The following DMRTC2 variants were observed in gnomAD, a reference collection of about 807,000 sequenced individuals.
DMRTC2 encodes doublesex- and mab-3-related transcription factor C2.
In DMRTC2, 13 loss-of-function variants were observed where a neutral mutation model predicts 39.9. That is an observed-to-expected ratio of 0.33 (90% CI 0.21 to 0.52). The LOEUF is 0.52. Among genes scored for constraint, DMRTC2 ranks in the 20% least tolerant of loss-of-function variants. The pLI, the probability that DMRTC2 is intolerant of heterozygous loss-of-function variation, is 0.96. For missense variants in DMRTC2, 431 were observed against 472.8 expected, an observed-to-expected ratio of 0.91 and a Z score of 0.82; for synonymous variants, 189 against 185.2, an observed-to-expected ratio of 1.02 and a Z score of -0.17.
At chr19:41,847,290 G>T in intron 1 of DMRTC2, 135 bp from the exon 2 acceptor site, 1 of 1,359,704 alleles carries the variant, frequency 7.4e-7, no homozygotes, top group African/African-American at 1.5e-5. Context: ...AGGGGAGAAA[G>T]CTGGGAAAGA....
chr19:41,848,643 C>T (rs1350227998), intron 4 of DMRTC2, 115 bp downstream of exon 4: 2 of 1,427,240 alleles, frequency 1.4e-6, no homozygotes, highest in African/African-American at 2.8e-5. Context: ...GCTATGTAAT[C>T]TAGTCAAATC....
Position 41,847,629 on chromosome 19 carries a change from G to T in DMRTC2, c.201G>T (p.Glu67Asp). The change falls in exon 2 of 9, where the codon GAG becomes GAT. Residue 67 changes from glutamate (E) to aspartate (D), a missense_variant. Coordinates refer to ENST00000269945, the MANE Select transcript of DMRTC2 (RefSeq NM_001040283.3). ...GCCTCTGCCTCTTCCAGGCTTGCGA[G>T]TGTCACAAATGTGTCCTCATCCTGT... ...HKRLCLFQAC[E>D]CHKCVLILER... 6.2e-7 allele frequency: 1 copy of T among 1,614,214 alleles called. No homozygotes were observed. The highest frequency in any genetic ancestry group is 8.5e-7 in the Non-Finnish European group (1 of 1,180,036).
chr19:41,850,528 C>T lies in DMRTC2; in HGVS notation c.819C>T (p.Ala273=), dbSNP rs1374657969. The T allele has an allele frequency of 2.5e-6, 4 of 1,610,944 alleles. No individual in the cohort carries two copies. Among genetic ancestry groups the T allele is most frequent in the Non-Finnish European group, 1.7e-6 (2 of 1,178,584 alleles). ...TPDPLQLQPQ[A]SGASCLARTS... is the part of the protein sequence containing the mutation. Reference sequence around the variant, plus strand: ...GCTTGTCTCCCTTTCCCTTGCAGGCCTCTGGAGCCTCGTGCCTGGCCCGGA... The same window carrying T: ...GCTTGTCTCCCTTTCCCTTGCAGGCTTCTGGAGCCTCGTGCCTGGCCCGGA... The change falls in exon 8 of 9, where the codon GCC becomes GCT. Residue 273 remains alanine, a splice_region_variant and synonymous_variant. Coordinates refer to ENST00000269945, the MANE Select transcript of DMRTC2 (RefSeq NM_001040283.3).
chr19:41,846,312 G>A (rs1484918455), intron 1 of DMRTC2, among the ~76,000 whole-genome samples: 3 of 152,302 alleles, frequency 2.0e-5, no homozygotes, highest in Non-Finnish European at 4.4e-5. Flanking sequence ...GGGGATGTAG[G>A]ACTCGCTGAA....
chr19:41,848,682 A>T, intron 4 of DMRTC2, 113 bp from the exon 5 acceptor site: 1 of 1,558,346 alleles, frequency 6.4e-7, no homozygotes, highest in Non-Finnish European at 8.8e-7. Context: ...AAATGAGGGG[A>T]AAACGAGGGC....
In DMRTC2 at chr19:41,850,037, G is replaced by A. The variant is rs924273357; in HGVS notation, c.756-275G>A. ...GCTTATGGTGAGCCATGATCACACC[G>A]CCACTGCACTCCAGCCTAGGTGACA... On this transcript the variant is annotated intron_variant, in intron 6 of 8. Coordinates refer to ENST00000269945, the MANE Select transcript of DMRTC2 (RefSeq NM_001040283.3). Among the ~76,000 whole-genome samples, 5 of 151,628 alleles carry A rather than the reference G, an allele frequency of 3.3e-5. No homozygotes were observed. The East Asian group carries it at 5.8e-4, about 18-fold the overall frequency.
At chr19:41,845,980 C>T (rs1435837115) in intron 1 of DMRTC2, among the ~76,000 whole-genome samples, 1 of 151,360 alleles carries the variant, frequency 6.6e-6, no homozygotes, top group Non-Finnish European at 1.5e-5. Context: ...CCACTGCGCT[C>T]CAGCCTGGGC....
chr19:41,851,766 TCTTA>T lies in DMRTC2; in HGVS notation c.*75_*78del, dbSNP rs1226899596. 8 of 1,346,540 alleles carry T rather than the reference TCTTA, an allele frequency of 5.9e-6. No individual in the cohort carries two copies. The highest frequency in any genetic ancestry group is 1.8e-5 in the Admixed American group (1 of 55,874). 83.4% of individuals were successfully genotyped at this position (1,346,540 alleles called of 1,614,324 possible). A position where few individuals can be genotyped will look rare whatever the true frequency, so the allele number is the denominator to read the frequency against. On this transcript the variant is annotated 3_prime_UTR_variant, in exon 9 of 9. Transcript: ENST00000269945. ...GCCTGCTGGCACTGTATATTTAGTG[TCTTA>T]CTTAAGGATTTATGCATGGAATTTA... is the stretch of plus-strand genomic sequence containing the variant.
intron 6 of DMRTC2, 113 bp downstream of exon 6, chr19:41,849,369 A>C (rs1236306011): frequency 6.9e-7 from 1 of 1,447,280 alleles, no homozygotes; most frequent in East Asian, 2.3e-5. Flanking sequence ...TCTGACTAAT[A>C]GGCAAGGCAG....
chr19:41,850,232 C>A, intron 6 of DMRTC2, 80 bp from the exon 7 acceptor site: 3 of 1,206,964 alleles, frequency 2.5e-6, no homozygotes, highest in Non-Finnish European at 3.3e-6. Flanking sequence ...CAAAACATGG[C>A]AAAATCCTGC....
chr19:41,846,494 G>A (rs1391930243), intron 1 of DMRTC2, among the ~76,000 whole-genome samples: 1 of 152,152 alleles, frequency 6.6e-6, no homozygotes, highest in East Asian at 1.9e-4. Context: ...GATCGCTTGA[G>A]CCCAGGAGTT....
At chr19:41,848,049 G>A (rs2073892515) in intron 3 of DMRTC2, among the ~76,000 whole-genome samples, 168 bp downstream of exon 3, 1 of 152,166 alleles carries the variant, frequency 6.6e-6, no homozygotes, top group African/African-American at 2.4e-5. Flanking sequence ...AGTTCTGTGG[G>A]TCAAAAATGG....
chr19:41,849,329 A>G (rs1427067163), intron 6 of DMRTC2, 73 bp downstream of exon 6: 1 of 1,566,328 alleles, frequency 6.4e-7, no homozygotes, highest in East Asian at 2.3e-5. Flanking sequence ...CTGGTGTCCA[A>G]CCACAGTGGA....
At chr19:41,849,737 C>A (rs537665254) in intron 6 of DMRTC2, among the ~76,000 whole-genome samples, 1 of 152,238 alleles carries the variant, frequency 6.6e-6, no homozygotes, top group South Asian at 2.1e-4. Context: ...GGGACCCAGA[C>A]TCTGATAGGT....
At chr19:41,847,368 G>GAGGGTTGT (rs2073879874) in intron 1 of DMRTC2, 57 bp from the exon 2 acceptor site, 1 of 1,503,468 alleles carries the variant, frequency 6.7e-7, no homozygotes, top group East Asian at 2.3e-5. Flanking sequence ...TCCAGGGCAG[G>GAGGGTTGT]AGGGTTGTTA....
Position 41,849,783 on chromosome 19 carries a change from T to A in DMRTC2, c.755+527T>A, listed in dbSNP as rs570930206. ...AATCTCAGTCTTCTAGGTGTTTTTT[T>A]AAAAACCGGCATCAGGTGGGGCCTG... On this transcript the variant is annotated intron_variant, in intron 6 of 8. Transcript: ENST00000269945. Among the ~76,000 whole-genome samples the A allele has an allele frequency of 1.1e-4, 17 of 152,206 alleles. No homozygotes were observed. The South Asian group carries it at 3.3e-3, about 30-fold the overall frequency.
At chr19:41,848,686 C>G (rs782666341) in intron 4 of DMRTC2, 109 bp from the exon 5 acceptor site, 2 of 1,560,950 alleles carry the variant, frequency 1.3e-6, no homozygotes, top group African/African-American at 1.4e-5. Flanking sequence ...GAGGGGAAAA[C>G]GAGGGCCTCC....
intron 1 of DMRTC2, 42 bp from the exon 2 acceptor site, chr19:41,847,383 C>T (rs1555836176): frequency 9.9e-6 from 15 of 1,510,540 alleles, no homozygotes; most frequent in Non-Finnish European, 1.3e-5. Context: ...TTGTTAGGGG[C>T]AGGCCCACCT....
rs2123209878 is a variant in DMRTC2 at position 41,847,441 on chromosome 19, G to A, written c.13G>A (p.Asp5Asn). The A allele has an allele frequency of 1.9e-6, 3 of 1,570,046 alleles. No homozygotes were observed. In the East Asian group the frequency reaches 6.8e-5, roughly 35 times the overall value. MEPS[D>N]MPAGYHCPLD... The stretch of plus-strand genomic sequence containing the variant: ...TGCCCCTAGATCCATGGAACCCAGT[G>A]ACATGCCTGCTGGCTACCACTGCCC... Residue 5 changes from aspartate to asparagine, a missense_variant, in exon 2 of 9, where the codon GAC (aspartate) becomes AAC (asparagine). Coordinates refer to ENST00000269945, the MANE Select transcript of DMRTC2 (RefSeq NM_001040283.3).
Sources: allele counts gnomAD v4.1 joint callset (sites outside exome capture counted in the v4.1 genomes callset), GRCh38; gene constraint gnomAD v4.1.1; transcripts MANE v1.5; gene names NCBI Gene and HGNC (gene_info 2026-07-23, HGNC 2026-07-21).